The following RASA3 variants were observed in gnomAD, a reference collection of about 807,000 sequenced individuals.
RASA3 encodes the protein ras GTPase-activating protein 3.
Under a neutral mutation model 110.0 loss-of-function variants are expected in RASA3, and 73 were observed. The observed-to-expected ratio is 0.66, with a 90% CI of 0.55 to 0.81. RASA3 has a LOEUF of 0.81. RASA3 is among the 30% of genes least tolerant of loss of function. The pLI is 0.00. For synonymous variants in RASA3, 500 were observed against 451.4 expected, an observed-to-expected ratio of 1.11 and a Z score of -1.37; for missense variants, 976 against 1,113.2, an observed-to-expected ratio of 0.88 and a Z score of 1.75.
rs1362324701 is a variant in RASA3 at position 113,981,839 on chromosome 13, A to G, written c.2265T>C (p.Ser755=). The G allele has an allele frequency of 1.2e-6, 2 of 1,613,742 alleles. No individual in the cohort carries two copies. Among genetic ancestry groups the G allele is most frequent in the Non-Finnish European group, 1.7e-6 (2 of 1,179,908 alleles). The change falls in exon 23 of 24, where the codon TCT becomes TCC. Residue 755 remains serine (S), a synonymous_variant. Transcript: ENST00000334062. Reference sequence around the variant, plus strand: ...CCTCCTGCTCCGGGCCGTCATACACAGATTTGCTCCCACAGGCCTCTGTGG... The same window carrying G: ...CCTCCTGCTCCGGGCCGTCATACACGGATTTGCTCCCACAGGCCTCTGTGG... ...EKMQEACGSK[S]VYDGPEQEEY... is the part of the protein sequence containing the mutation.
intron 1 of RASA3, among the ~76,000 whole-genome samples, chr13:114,090,182 G>A (rs1358040980): frequency 6.6e-6 from 1 of 152,182 alleles, no homozygotes; most frequent in Non-Finnish European, 1.5e-5. Context: ...GGGCCGCACG[G>A]CAACAGGTTT....
chr13:114,021,965 T>C (rs1445777496), intron 8 of RASA3, among the ~76,000 whole-genome samples: 17 of 152,136 alleles, frequency 1.1e-4, no homozygotes, highest in Admixed American at 1.1e-3. Context: ...CCAGGAGCTA[T>C]GTGGCTGCTG....
chr13:114,116,782 A>G (rs61971989), intron 1 of RASA3, among the ~76,000 whole-genome samples: 139,829 of 145,772 alleles, frequency 0.96, 67,017 homozygotes, highest in South Asian at 0.99. Flanking sequence ...ACGTGTGTGA[A>G]GGGTGCACGT....
At chr13:114,117,842 G>GT (rs1312202448) in intron 1 of RASA3, among the ~76,000 whole-genome samples, 1 of 145,118 alleles carries the variant, frequency 6.9e-6, no homozygotes, top group African/African-American at 2.6e-5. Flanking sequence ...AGGGGTGCAT[G>GT]CAATGCTCCT....
At chr13:114,126,602 G>A (rs948879131) in intron 1 of RASA3, among the ~76,000 whole-genome samples, 3 of 152,148 alleles carry the variant, frequency 2.0e-5, no homozygotes, top group Admixed American at 1.3e-4. Context: ...GAGCTCTCCC[G>A]GATCTCAACA....
At chr13:114,122,128 CG>C (rs1452898750) in intron 1 of RASA3, among the ~76,000 whole-genome samples, 3 of 152,234 alleles carry the variant, frequency 2.0e-5, no homozygotes. Flanking sequence ...TTCCAGGCTG[CG>C]CAGCCGGCCA....
intron 1 of RASA3, among the ~76,000 whole-genome samples, chr13:114,132,071 C>A (rs928641028): frequency 6.6e-6 from 1 of 151,984 alleles, no homozygotes; most frequent in Admixed American, 6.5e-5. Context: ...GCCCAGACAG[C>A]CTCAGGCGCG....
intron 1 of RASA3, among the ~76,000 whole-genome samples, chr13:114,100,077 CG>C (rs1423649906): frequency 1.8e-4 from 27 of 150,912 alleles, no homozygotes; most frequent in African/African-American, 6.3e-4. Context: ...TCTGGAAGAG[CG>C]GCAGGCCAGG....
chr13:114,052,757 A>G (rs2079168866), intron 2 of RASA3, among the ~76,000 whole-genome samples: 1 of 142,992 alleles, frequency 7.0e-6, no homozygotes, highest in Admixed American at 6.9e-5. Context: ...CTGTGCTTAG[A>G]GTCCTGGCTC....
Position 113,991,178 on chromosome 13 carries a change from C to T in RASA3, c.2245+1307G>A, listed in dbSNP as rs1456398344. Among the ~76,000 whole-genome samples the T allele has an allele frequency of 2.9e-5, 2 of 69,478 alleles. 1 individual carries two copies. Among genetic ancestry groups the T allele is most frequent in the African/African-American group, 2.0e-4 (2 of 9,850 alleles). The allele number at this position is 69,478 out of a possible 152,430, so 45.6% of individuals were successfully genotyped here. ...CCAAGCTCACAGATGGGCAGCTGTG[C>T]GGACACCCAGGGCATGCGGGGCTGG... On this transcript the variant is annotated intron_variant, in intron 22 of 23. Transcript: ENST00000334062.
chr13:114,005,845 C>CT lies in RASA3; in HGVS notation c.1742+1687_1742+1688insA, dbSNP rs1362933814. ...CCTGCCCTGCCGGACGCCACCTTAC[C>CT]CTTCTCCCCTCCTGCCCTGCCGGAC... On this transcript the variant is annotated intron_variant, in intron 18 of 23. Transcript: ENST00000334062. Among the ~76,000 whole-genome samples, 58 of 99,382 alleles carry CT rather than the reference C, an allele frequency of 5.8e-4. 1 individual carries two copies. Among genetic ancestry groups the CT allele is most frequent in the African/African-American group, 1.4e-3 (30 of 21,490 alleles). The allele number at this position is 99,382 out of a possible 152,430, so 65.2% of individuals were successfully genotyped here. A position where few individuals can be genotyped will look rare whatever the true frequency, so the allele number is the denominator to read the frequency against.
intron 1 of RASA3, among the ~76,000 whole-genome samples, chr13:114,116,916 AGG>A (rs1161715139): frequency 4.8e-4 from 17 of 35,664 alleles, no homozygotes; most frequent in South Asian, 1.1e-3. Context: ...CACGTGTGTG[AGG>A]GGTGAGCACG....
chr13:114,066,002 T>C (rs1360211955), intron 2 of RASA3, among the ~76,000 whole-genome samples: 1 of 151,506 alleles, frequency 6.6e-6, no homozygotes, highest in African/African-American at 2.4e-5. Flanking sequence ...AGTCTCCCCA[T>C]CTGTTCAGGG....
At position 114,011,496 on chromosome 13, in the gene RASA3, C is replaced by T. The variant is rs1322070298; in HGVS notation, c.1513-248G>A. Among the ~76,000 whole-genome samples, 1 of 152,106 alleles carries T rather than the reference C, an allele frequency of 6.6e-6. No homozygotes were observed. Among genetic ancestry groups the T allele is most frequent in the Non-Finnish European group, 1.5e-5 (1 of 68,022 alleles). On this transcript the variant is annotated intron_variant, in intron 15 of 23. Transcript: ENST00000334062. The surrounding 1 kb of genome is among the most constrained non-coding windows in gnomAD (Gnocchi z 4.8). ...GCGGTGACCCACTCTCTCGGCCCAG[C>T]GTGCAGGGTGCATCTCAAAGTCGAA...
chr13:114,059,178 A>G (rs1385744653), intron 2 of RASA3, among the ~76,000 whole-genome samples: 1 of 152,140 alleles, frequency 6.6e-6, no homozygotes, highest in Non-Finnish European at 1.5e-5. Context: ...TCCTGTCTCA[A>G]AAAACCAAAC....
At chr13:114,111,889 G>A (rs752559737) in intron 1 of RASA3, among the ~76,000 whole-genome samples, 1 of 152,216 alleles carries the variant, frequency 6.6e-6, no homozygotes, top group Non-Finnish European at 1.5e-5. Context: ...CGGATCCTGT[G>A]TCTTGGTTGG....
At chr13:114,105,225 C>T (rs773342874) in intron 1 of RASA3, among the ~76,000 whole-genome samples, 15 of 152,074 alleles carry the variant, frequency 9.9e-5, no homozygotes, top group Admixed American at 3.9e-4. Flanking sequence ...ACGACCCCCA[C>T]GCAAGCCCCC....
intron 1 of RASA3, among the ~76,000 whole-genome samples, chr13:114,076,024 C>T (rs544103858): frequency 2.8e-4 from 42 of 151,950 alleles, no homozygotes; most frequent in African/African-American, 9.2e-4. Context: ...CGTGTGGAGG[C>T]GCCGGCAGGC....
At chr13:114,127,202 G>A (rs182837148) in intron 1 of RASA3, among the ~76,000 whole-genome samples, 119 of 152,346 alleles carry the variant, frequency 7.8e-4, no homozygotes, top group African/African-American at 2.8e-3. Flanking sequence ...TGCCTCATTT[G>A]CTTCCATTAG....
Sources: allele counts gnomAD v4.1 joint callset (sites outside exome capture counted in the v4.1 genomes callset), GRCh38; gene constraint gnomAD v4.1.1; non-coding constraint Gnocchi (gnomAD v3.1); transcripts MANE v1.5; gene names NCBI Gene and HGNC (gene_info 2026-07-23, HGNC 2026-07-21).